Variants in SYNE1 observed in about 807,000 individuals in gnomAD.
The protein encoded by SYNE1 is spectrin repeat containing nuclear envelope protein 1, also known as nesprin-1.
Under a neutral mutation model 1,111.0 loss-of-function variants are expected in SYNE1, and 616 were observed. The ratio of observed to expected loss-of-function variants is 0.55; its 90% CI spans 0.52 to 0.59. The LOEUF (loss-of-function observed/expected upper bound fraction) is 0.59. SYNE1 is among the 20% of genes least tolerant of loss of function. SYNE1 has a pLI of 0.00. For synonymous variants in SYNE1, 3,855 were observed against 3,825.8 expected (o/e 1.01, Z -0.28); for missense variants, 10,006 against 10,417.0 (o/e 0.96, Z 1.72).
intron 100 of SYNE1, among the ~76,000 whole-genome samples, chr6:152,264,256 G>A (rs1185783060): frequency 6.7e-6 from 1 of 149,392 alleles, no homozygotes; most frequent in East Asian, 2.0e-4. Context: ...ACAACCTAGG[G>A]TGGCTGAATT....
intron 145 of SYNE1, chr6:152,126,466 T>G (rs1237501454): frequency 6.6e-6 from 1 of 152,240 alleles, no homozygotes; most frequent in Middle Eastern, 3.2e-3. Context: ...CTGGTCATTC[T>G]CCTCTGGTCT....
At position 152,309,948 on chromosome 6, in the gene SYNE1, G is replaced by C; in HGVS notation, c.17089C>G (p.Arg5697Gly). 1 of 1,614,112 alleles carries C rather than the reference G, an allele frequency of 6.2e-7. No homozygotes were observed. The highest frequency in any genetic ancestry group is 8.5e-7 in the Non-Finnish European group (1 of 1,180,030). ...CTGGCAACCACATCCTCGGGGATCCGGAGGGCACTCTGGCAGAGCTGCACT... is the reference window on the plus strand; with the variant it reads ...CTGGCAACCACATCCTCGGGGATCCCGAGGGCACTCTGGCAGAGCTGCACT... ...QAVQLCQSAL[R>G]IPEDVVASLP... is the part of the protein sequence containing the mutation. Residue 5697 changes from arginine (R) to glycine (G), a missense_variant, in exon 90 of 146, where the codon CGG becomes GGG. Physicochemically the swap from Arg to Gly is moderately radical, Grantham distance 125. Transcript: ENST00000367255.
intron 5 of SYNE1, among the ~76,000 whole-genome samples, chr6:152,522,598 G>C (rs2099145193): frequency 6.6e-6 from 1 of 152,100 alleles, no homozygotes; most frequent in Non-Finnish European, 1.5e-5. Context: ...GTATCAAATG[G>C]TAGATCTACT....
intron 32 of SYNE1, among the ~76,000 whole-genome samples, chr6:152,440,555 T>C (rs2098519341): frequency 6.6e-6 from 1 of 150,794 alleles, no homozygotes; most frequent in South Asian, 2.1e-4. Context: ...TAAAAAATAT[T>C]ATTGCCTCCA....
At position 152,428,317 on chromosome 6, in the gene SYNE1, T is replaced by C. The variant is rs1215482685; in HGVS notation, c.4864A>G (p.Arg1622Gly). The C allele has an allele frequency of 6.2e-7, 1 of 1,614,144 alleles. No homozygotes were observed. Among genetic ancestry groups the C allele is most frequent in the Non-Finnish European group, 8.5e-7 (1 of 1,180,020 alleles). ...FSASARKVVNRDSCVQEAAAL... is the reference protein window; with the variant it reads ...FSASARKVVNGDSCVQEAAAL... ...GCAGCCTCCTGAACACAGGAATCTC[T>C]GTTCACAACCTTCCTGGCACTGGCT... is the stretch of plus-strand genomic sequence containing the variant. The change falls in exon 37 of 146, where the codon AGA becomes GGA. Residue 1622 changes from arginine (R) to glycine (G), a missense_variant. Transcript: ENST00000367255.
At position 152,605,029 on chromosome 6, in the gene SYNE1, A is replaced by AGG. The variant is rs1377874722; in HGVS notation, c.67+23235_67+23236insCC. Among the ~76,000 whole-genome samples the AGG allele has an allele frequency of 1.7e-3, 91 of 52,956 alleles. 2 individuals are homozygous for AGG. Among genetic ancestry groups the AGG allele is most frequent in the African/African-American group, 5.0e-3 (47 of 9,422 alleles). 34.7% of individuals were successfully genotyped at this position (52,956 alleles called of 152,430 possible). A position where few individuals can be genotyped will look rare whatever the true frequency, so the allele number is the denominator to read the frequency against. ...GAAAGAGAGAGAGAGAGAGAGAGAGAGAGAGAGGGAGGGAGGGAGGGAGGG... is the reference window on the plus strand; with the variant it reads ...GAAAGAGAGAGAGAGAGAGAGAGAGAGGGAGAGAGGGAGGGAGGGAGGGAGGG... On this transcript the variant is annotated intron_variant, in intron 3 of 145. Transcript: ENST00000367255.
At position 152,254,892 on chromosome 6, in the gene SYNE1, T is replaced by C; in HGVS notation, c.19458A>G (p.Ile6486Met). 6.2e-7 allele frequency: 1 copy of C among 1,613,620 alleles called. No individual in the cohort carries two copies. The highest frequency in any genetic ancestry group is 8.5e-7 in the Non-Finnish European group (1 of 1,179,778). ...ATATCTTACTTACCTGGAAATTTAGTATTTGCTGAAGTCTTTCTTTCATCT... is the reference window on the plus strand; with the variant it reads ...ATATCTTACTTACCTGGAAATTTAGCATTTGCTGAAGTCTTTCTTTCATCT... Reference protein sequence around the residue: ...CHQMKERLQQILNFQNDLKVL... With the variant: ...CHQMKERLQQMLNFQNDLKVL... The change falls in exon 104 of 146, where the codon ATA becomes ATG. Residue 6486 changes from isoleucine to methionine, a missense_variant. Around this residue, in one of 7 missense-constraint regions of SYNE1, gnomAD observed 2,182 missense variants for 2,287.8 expected, o/e 0.95. Coordinates refer to ENST00000367255, the MANE Select transcript of SYNE1 (RefSeq NM_182961.4).
At position 152,333,964 on chromosome 6, in the gene SYNE1, G is replaced by A; in HGVS notation, c.12794+44C>T. On this transcript the variant is annotated intron_variant, in intron 77 of 145. Coordinates refer to ENST00000367255, the MANE Select transcript of SYNE1 (RefSeq NM_182961.4). The stretch of plus-strand genomic sequence containing the variant: ...TAAATTTTTATAGATATTAAGAAAT[G>A]TCTGGCTTAGCATTTTGGTGACCCA... 3 of 1,613,500 alleles carry A rather than the reference G, an allele frequency of 1.9e-6. No homozygotes were observed. The South Asian group carries it at 3.3e-5, about 18-fold the overall frequency.
chr6:152,213,211 A>C (rs553211690), intron 123 of SYNE1, among the ~76,000 whole-genome samples: 9 of 152,304 alleles, frequency 5.9e-5, no homozygotes, highest in African/African-American at 9.6e-5. Context: ...AAGATCACAA[A>C]ATTTTTAAAG....
chr6:152,592,592 A>C (rs1221151693), intron 3 of SYNE1, among the ~76,000 whole-genome samples: 1 of 152,162 alleles, frequency 6.6e-6, no homozygotes. Flanking sequence ...TGAGTTAAAA[A>C]ACTGTCCATG....
Position 152,294,044 on chromosome 6 carries a change from C to G in SYNE1, c.17766G>C (p.Gln5922His). 1 of 1,614,066 alleles carries G rather than the reference C, an allele frequency of 6.2e-7. No homozygotes were observed. The highest frequency in any genetic ancestry group is 1.1e-5 in the South Asian group (1 of 91,082). Residue 5922 changes from glutamine to histidine, a missense_variant, in exon 94 of 146, where the codon CAG becomes CAC. Gln to His is a conservative substitution (Grantham distance 24). Transcript: ENST00000367255. Reference sequence around the variant, plus strand: ...GCTCCAATCCCGGTTCATAGAACTCCTGGGATGCGGATGTGCTGGGGTGAA... The same window carrying G: ...GCTCCAATCCCGGTTCATAGAACTCGTGGGATGCGGATGTGCTGGGGTGAA... ...AKIHPSTSAS[Q>H]EFYEPGLEPS...
At chr6:152,139,678 GAGAA>G (rs1420135212) in intron 140 of SYNE1, among the ~76,000 whole-genome samples, 6 of 77,016 alleles carry the variant, frequency 7.8e-5, no homozygotes, top group East Asian at 3.0e-4. Flanking sequence ...AGGAATGAGA[GAGAA>G]AGAAAGAAAA....
chr6:152,193,626 T>C (rs962246187), intron 127 of SYNE1, among the ~76,000 whole-genome samples: 11 of 152,152 alleles, frequency 7.2e-5, no homozygotes, highest in Admixed American at 1.3e-4. Flanking sequence ...CCATGTTGTT[T>C]CTTATTTATA....
At chr6:152,216,412 G>T (rs2078678499) in intron 121 of SYNE1, among the ~76,000 whole-genome samples, 1 of 152,312 alleles carries the variant, frequency 6.6e-6, no homozygotes, top group Middle Eastern at 3.4e-3. Flanking sequence ...TCACTGGGGG[G>T]CCTGGTCCTG....
intron 125 of SYNE1, 117 bp from the exon 126 acceptor site, chr6:152,206,479 G>A: frequency 1.8e-6 from 2 of 1,103,420 alleles, no homozygotes; most frequent in Non-Finnish European, 2.7e-6. Context: ...ATTTACCGTA[G>A]TGGTGCTTTG....
intron 123 of SYNE1, among the ~76,000 whole-genome samples, chr6:152,213,387 C>A (rs757866903): frequency 6.6e-6 from 1 of 152,164 alleles, no homozygotes; most frequent in Non-Finnish European, 1.5e-5. Flanking sequence ...TTACAAGGAA[C>A]TGAAGATTGA....
intron 3 of SYNE1, among the ~76,000 whole-genome samples, chr6:152,582,068 G>A (rs1478731714): frequency 1.3e-5 from 2 of 152,126 alleles, no homozygotes; most frequent in South Asian, 2.1e-4. Flanking sequence ...CATAGAGCTA[G>A]TTGTATGACA....
rs1173146116 is a variant in SYNE1, at chr6:152,364,943, T to A, written c.10049A>T (p.Asn3350Ile). 1 of 1,614,110 alleles carries A rather than the reference T, an allele frequency of 6.2e-7. No individual in the cohort carries two copies. The highest frequency in any genetic ancestry group is 8.5e-7 in the Non-Finnish European group (1 of 1,180,042). Reference sequence around the variant, plus strand: ...AGTGGGAATGCCTTCTGGAGAAGTATTCTGAAGGACAGATTCTCCCCTGGT... The same window carrying A: ...AGTGGGAATGCCTTCTGGAGAAGTAATCTGAAGGACAGATTCTCCCCTGGT... ...IVTRGESVLQ[N>I]TSPEGIPTIQ... The change falls in exon 63 of 146, where the codon AAT becomes ATT. Residue 3350 changes from asparagine to isoleucine, a missense_variant. By Grantham distance (149) the Asn-to-Ile change is moderately radical. Transcript: ENST00000367255.
At chr6:152,507,410 A>C (rs1412718146) in intron 8 of SYNE1, among the ~76,000 whole-genome samples, 2 of 152,348 alleles carry the variant, frequency 1.3e-5, no homozygotes, top group Admixed American at 1.3e-4. Flanking sequence ...GAAATAATTA[A>C]AAAGTTTCAG....
Sources: allele counts gnomAD v4.1 joint callset (sites outside exome capture counted in the v4.1 genomes callset), GRCh38; gene constraint gnomAD v4.1.1; regional missense constraint gnomAD v4.1.1; transcripts MANE v1.5; gene names NCBI Gene and HGNC (gene_info 2026-07-23, HGNC 2026-07-21).